Variants in SKAP2 observed in about 807,000 individuals in gnomAD.
The protein encoded by SKAP2 is src kinase associated phosphoprotein 2.
A neutral mutation model predicts 54.9 loss-of-function variants in SKAP2; 28 were observed. That is an observed-to-expected ratio of 0.51 (90% CI 0.38 to 0.70). The LOEUF is 0.70. Ranked by LOEUF, SKAP2 falls within the 30% of genes least tolerant of loss-of-function variation. The probability of loss-of-function intolerance (pLI) is 0.00; values close to 1 mark genes in which losing one functional copy is unlikely to be tolerated. For synonymous variants in SKAP2, 137 were observed against 134.3 expected (o/e 1.02, Z -0.14); for missense variants, 356 against 424.1 (o/e 0.84, Z 1.41).
intron 4 of SKAP2, among the ~76,000 whole-genome samples, chr7:26,745,952 T>C (rs1368917940): frequency 6.6e-6 from 1 of 152,206 alleles, no homozygotes; most frequent in Admixed American, 6.5e-5. Context: ...CTAGTGGTTA[T>C]TTTATTATCT....
At chr7:26,710,000 A>G (rs1178157715) in intron 9 of SKAP2, among the ~76,000 whole-genome samples, 1 of 152,232 alleles carries the variant, frequency 6.6e-6, no homozygotes, top group Admixed American at 6.5e-5. Context: ...ATGCTTCAAT[A>G]TACCACTGAT....
At chr7:26,863,650 A>G (rs1398192703) in intron 1 of SKAP2, among the ~76,000 whole-genome samples, 1 of 152,216 alleles carries the variant, frequency 6.6e-6, no homozygotes, top group East Asian at 1.9e-4. Flanking sequence ...ATAAATGGTA[A>G]TGTAAAACTG....
At chr7:26,749,745 CAATAATAATAAT>C (rs68049436) in intron 4 of SKAP2, among the ~76,000 whole-genome samples, 167 of 144,706 alleles carry the variant, frequency 1.2e-3, no homozygotes, top group East Asian at 9.0e-3. Context: ...CAAATAATAA[CAATAATAATAAT>C]AATAATAATA....
intron 4 of SKAP2, among the ~76,000 whole-genome samples, chr7:26,814,397 A>G (rs567001472): frequency 1.8e-4 from 28 of 152,226 alleles, no homozygotes; most frequent in Admixed American, 6.5e-4. Flanking sequence ...TCTTCTTTAC[A>G]TACTTTAAAT....
chr7:26,805,668 G>A (rs1024209043), intron 4 of SKAP2, among the ~76,000 whole-genome samples: 2 of 152,214 alleles, frequency 1.3e-5, no homozygotes, highest in African/African-American at 4.8e-5. Flanking sequence ...CTCCCTGAAA[G>A]TGGATTCAAA....
At chr7:26,796,095 T>C (rs1038428155) in intron 4 of SKAP2, among the ~76,000 whole-genome samples, 2 of 152,168 alleles carry the variant, frequency 1.3e-5, no homozygotes, top group Admixed American at 6.5e-5. Flanking sequence ...TTTACCACCA[T>C]AAAACATACA....
intron 4 of SKAP2, among the ~76,000 whole-genome samples, chr7:26,807,995 C>A (rs182219984): frequency 9.9e-5 from 15 of 152,212 alleles, no homozygotes; most frequent in East Asian, 7.7e-4. Context: ...GCATATAAAT[C>A]AAAAAACTCA....
chr7:26,724,831 G>A (rs1350802310), intron 9 of SKAP2, among the ~76,000 whole-genome samples: 2 of 152,176 alleles, frequency 1.3e-5, no homozygotes, highest in South Asian at 2.1e-4. Flanking sequence ...ATAACAGACA[G>A]GCATGTAAAC....
intron 6 of SKAP2, among the ~76,000 whole-genome samples, chr7:26,734,641 G>C (rs139514685): frequency 6.6e-6 from 1 of 152,142 alleles, no homozygotes; most frequent in Non-Finnish European, 1.5e-5. Flanking sequence ...GCACCAGCAG[G>C]GTCAGTGCCT....
chr7:26,807,352 G>C (rs917432945), intron 4 of SKAP2, among the ~76,000 whole-genome samples: 1 of 152,020 alleles, frequency 6.6e-6, no homozygotes, highest in Non-Finnish European at 1.5e-5. Flanking sequence ...TCGGGGAAGT[G>C]GGGGTTCCCC....
intron 4 of SKAP2, among the ~76,000 whole-genome samples, chr7:26,812,762 T>C (rs150300024): frequency 6.6e-6 from 1 of 152,282 alleles, no homozygotes; most frequent in Non-Finnish European, 1.5e-5. Flanking sequence ...TTTTATACCA[T>C]CTTCCTTAAA....
chr7:26,749,373 A>G (rs1345216952), intron 4 of SKAP2, among the ~76,000 whole-genome samples: 1 of 152,170 alleles, frequency 6.6e-6, no homozygotes, highest in Non-Finnish European at 1.5e-5. Context: ...AAAACTAGGA[A>G]ACATAAACTC....
intron 6 of SKAP2, among the ~76,000 whole-genome samples, chr7:26,732,265 C>T (rs1348333486): frequency 6.6e-6 from 1 of 152,138 alleles, no homozygotes; most frequent in Non-Finnish European, 1.5e-5. Context: ...TGATTGATGG[C>T]AGTGCACAGT....
At chr7:26,680,922 C>T (rs1389100164) in intron 11 of SKAP2, among the ~76,000 whole-genome samples, 1 of 149,404 alleles carries the variant, frequency 6.7e-6, no homozygotes, top group Non-Finnish European at 1.5e-5. Flanking sequence ...TGATTTGCAC[C>T]AGAAGAAAAA....
At chr7:26,685,432 T>C (rs1393419480) in intron 10 of SKAP2, among the ~76,000 whole-genome samples, 3 of 152,200 alleles carry the variant, frequency 2.0e-5, no homozygotes, top group African/African-American at 7.2e-5. Flanking sequence ...CAATTTTCTT[T>C]AGGGACATTT....
At chr7:26,739,143 T>C (rs1393924512) in intron 5 of SKAP2, among the ~76,000 whole-genome samples, 1 of 152,200 alleles carries the variant, frequency 6.6e-6, no homozygotes, top group Non-Finnish European at 1.5e-5. Flanking sequence ...TATCTGACTA[T>C]ACAGTCTTGA....
At chr7:26,839,781 G>C (rs1784783793) in intron 4 of SKAP2, among the ~76,000 whole-genome samples, 1 of 151,950 alleles carries the variant, frequency 6.6e-6, no homozygotes, top group Non-Finnish European at 1.5e-5. Context: ...CACAAAAAAA[G>C]TCTTCCTCAA....
chr7:26,774,315 A>C (rs1389987297), intron 4 of SKAP2, among the ~76,000 whole-genome samples: 1 of 152,136 alleles, frequency 6.6e-6, no homozygotes, highest in Non-Finnish European at 1.5e-5. Flanking sequence ...TCCGTCTCAA[A>C]AAAATAAAAA....
chr7:26,754,910 G>C (rs1782757552), intron 4 of SKAP2, among the ~76,000 whole-genome samples: 1 of 152,080 alleles, frequency 6.6e-6, no homozygotes, highest in Non-Finnish European at 1.5e-5. Context: ...ATATGAAAAA[G>C]ACTTAAAATC....
Sources: allele counts gnomAD v4.1 joint callset (sites outside exome capture counted in the v4.1 genomes callset), GRCh38; gene constraint gnomAD v4.1.1; transcripts MANE v1.5; gene names NCBI Gene and HGNC (gene_info 2026-07-23, HGNC 2026-07-21).